CACNA1C: variants seen among roughly 807,000 people sequenced by gnomAD.
CACNA1C encodes voltage-dependent L-type calcium channel subunit alpha-1C.
In CACNA1C, 30 loss-of-function variants were observed where a neutral mutation model predicts 229.0. The observed-to-expected ratio is 0.13, with a 90% CI of 0.10 to 0.18. The LOEUF (loss-of-function observed/expected upper bound fraction) is 0.18. CACNA1C is among the 10% of genes least tolerant of loss of function. The probability of loss-of-function intolerance (pLI) is 1.00; values close to 1 mark genes in which losing one functional copy is unlikely to be tolerated. For missense variants in CACNA1C, 1,658 were observed against 2,845.0 expected (o/e 0.58, Z 9.49); for synonymous variants, 1,114 against 1,132.5 (o/e 0.98, Z 0.33).
Position 1,997,389 on chromosome 12 carries a change from G to A in CACNA1C, c.139+26188G>A, listed in dbSNP as rs545190977. On this transcript the variant is annotated intron_variant, in intron 1 of 46. Transcript: ENST00000682462. ...CTAAAAATTAGCTGGGCGTGGTGGC[G>A]CATGCCTGTAATCCCAGCTACTCAG... is the stretch of plus-strand genomic sequence containing the variant. Among the ~76,000 whole-genome samples the A allele has an allele frequency of 1.2e-4, 18 of 152,270 alleles. No homozygotes were observed. The South Asian group carries it at 2.5e-3, about 21-fold the overall frequency.
chr12:2,039,205 CAA>C (rs922291824), intron 1 of CACNA1C, among the ~76,000 whole-genome samples: 2 of 152,164 alleles, frequency 1.3e-5, no homozygotes, highest in African/African-American at 4.8e-5. Flanking sequence ...ACTCACTAAA[CAA>C]TGATGAGAGG....
intron 1 of CACNA1C, among the ~76,000 whole-genome samples, chr12:2,070,777 G>A (rs180781403): frequency 4.3e-4 from 66 of 152,124 alleles, no homozygotes; most frequent in African/African-American, 1.5e-3. Context: ...TTGAAGATTC[G>A]TATCACTCAC....
chr12:2,559,724 A>G (rs2046462472), intron 11 of CACNA1C, among the ~76,000 whole-genome samples: 1 of 152,188 alleles, frequency 6.6e-6, no homozygotes. Context: ...TCTGCTGCCA[A>G]TCACTGTGCC....
chr12:2,199,086 C>T (rs1001624561), intron 3 of CACNA1C, among the ~76,000 whole-genome samples: 8 of 152,118 alleles, frequency 5.3e-5, no homozygotes, highest in Admixed American at 1.3e-4. Context: ...GACTTTTAAG[C>T]GTGAATCCCC....
At chr12:2,363,342 C>T (rs1034393635) in intron 3 of CACNA1C, among the ~76,000 whole-genome samples, 1 of 152,184 alleles carries the variant, frequency 6.6e-6, no homozygotes, top group Non-Finnish European at 1.5e-5. Flanking sequence ...TCATTCTTCC[C>T]CTCTCCATAT....
chr12:2,307,385 A>G (rs918877796), intron 3 of CACNA1C, among the ~76,000 whole-genome samples: 3 of 152,216 alleles, frequency 2.0e-5, no homozygotes, highest in Non-Finnish European at 4.4e-5. Flanking sequence ...TAAGGCTCCA[A>G]GATGCTGAGA....
intron 11 of CACNA1C, among the ~76,000 whole-genome samples, chr12:2,562,884 T>C (rs2048256672): frequency 6.6e-6 from 1 of 152,252 alleles, no homozygotes; most frequent in Admixed American, 6.5e-5. Flanking sequence ...TTACGAACAT[T>C]CCAATTCCAG....
chr12:2,098,344 T>C (rs2075112707), intron 1 of CACNA1C, among the ~76,000 whole-genome samples: 2 of 152,242 alleles, frequency 1.3e-5, no homozygotes, highest in African/African-American at 4.8e-5. Flanking sequence ...AAAGCATTGT[T>C]ATTAAACGGC....
Position 2,597,563 on chromosome 12 carries a change from T to A in CACNA1C, c.2853+274T>A, listed in dbSNP as rs59300608. 1.1e-4 allele frequency: 111 copies of A among 1,031,950 alleles called. 1 individual carries two copies. In the African/African-American group the frequency reaches 1.6e-3, roughly 15 times the overall value. The allele number at this position is 1,031,950 out of a possible 1,614,324, so 63.9% of individuals were successfully genotyped here. On this transcript the variant is annotated intron_variant, in intron 21 of 46. Transcript: ENST00000399655. The surrounding 1 kb of genome is among the most constrained non-coding windows in gnomAD (Gnocchi z 4.3). ...TCTATCTCTGCTCTGTGTGGCTGGA[T>A]CTTTTGTCTTTTCTGTTTCTTTCAC... is the stretch of plus-strand genomic sequence containing the variant.
At chr12:2,621,741 G>A (rs889411726) in intron 29 of CACNA1C, among the ~76,000 whole-genome samples, 1 of 152,172 alleles carries the variant, frequency 6.6e-6, no homozygotes, top group African/African-American at 2.4e-5. Context: ...AATCAGAGAC[G>A]GCTCCGGGGT....
chr12:2,355,092 G>A (rs1362796650), intron 3 of CACNA1C, among the ~76,000 whole-genome samples: 1 of 152,122 alleles, frequency 6.6e-6, no homozygotes, highest in African/African-American at 2.4e-5. Context: ...GCTTCCCCGG[G>A]TATTTATCAT....
Position 2,053,011 on chromosome 12 carries a change from A to T in CACNA1C, c.-552A>T. 2.0e-6 allele frequency: 2 copies of T among 984,018 alleles called. No homozygotes were observed. The highest frequency in any genetic ancestry group is 2.4e-6 in the Non-Finnish European group (2 of 829,466). The allele number at this position is 984,018 out of a possible 1,614,324, so 61.0% of individuals were successfully genotyped here. A position where few individuals can be genotyped will look rare whatever the true frequency, so the allele number is the denominator to read the frequency against. On this transcript the variant is annotated 5_prime_UTR_variant, in exon 1 of 47. Transcript: ENST00000399655. The surrounding 1 kb of genome is among the most constrained non-coding windows in gnomAD (Gnocchi z 5.8). Reference sequence around the variant, plus strand: ...TGTCTCCCTCTCGCTGCCTCTGCAGAAACAGCTCCTGCCAGAGCGGCGCTC... The same window carrying T: ...TGTCTCCCTCTCGCTGCCTCTGCAGTAACAGCTCCTGCCAGAGCGGCGCTC...
In CACNA1C at chr12:2,679,644, C is replaced by T. The variant is rs72552065; in HGVS notation, c.5292C>T (p.Asn1764=). ...TPSSYSSTGS[N]ANINNANNTA... is the part of the protein sequence containing the mutation. ...GCAGCTACTCGTCCACCGGCTCCAA[C>T]GCCAACATCAACAACGCCAACAACA... Residue 1764 remains asparagine, a synonymous_variant, in exon 42 of 47, where the codon AAC becomes AAT. Coordinates refer to ENST00000399655, the MANE Select transcript of CACNA1C (RefSeq NM_000719.7). This position sits in a 1 kb window ranked among gnomAD's most constrained non-coding sequence, Gnocchi z 5.5. 89,824 of 1,613,704 alleles carry T rather than the reference C, an allele frequency of 0.056. 2,891 individuals carry two copies. The highest frequency in any genetic ancestry group is 0.064 in the Non-Finnish European group (75,972 of 1,179,696).
chr12:2,685,391 A>G (rs2097399020), intron 43 of CACNA1C, among the ~76,000 whole-genome samples: 1 of 151,262 alleles, frequency 6.6e-6, no homozygotes, highest in Non-Finnish European at 1.5e-5. Context: ...TCATGCAAAC[A>G]CGGGAGCCAA....
At chr12:2,342,613 G>A (rs2154522378) in intron 3 of CACNA1C, among the ~76,000 whole-genome samples, 1 of 152,162 alleles carries the variant, frequency 6.6e-6, no homozygotes, top group East Asian at 1.9e-4. Context: ...GAAGCCCCCT[G>A]GCCTAGATAG....
Position 2,053,711 on chromosome 12 carries a change from A to G in CACNA1C, c.49+100A>G. 1 of 788,250 alleles carries G rather than the reference A, an allele frequency of 1.3e-6. No homozygotes were observed. Among genetic ancestry groups the G allele is most frequent in the Non-Finnish European group, 1.6e-6 (1 of 614,572 alleles). 48.8% of individuals were successfully genotyped at this position (788,250 alleles called of 1,614,324 possible). A position where few individuals can be genotyped will look rare whatever the true frequency, so the allele number is the denominator to read the frequency against. On this transcript the variant is annotated intron_variant, in intron 1 of 46. Coordinates refer to ENST00000399655, the MANE Select transcript of CACNA1C (RefSeq NM_000719.7). This position sits in a 1 kb window ranked among gnomAD's most constrained non-coding sequence, Gnocchi z 5.8. ...GCGGCCCCGGGGCCGGTCCCTGCGG[A>G]GTGGCCCGGGGCCGCGTCCGCGAGG...
chr12:2,631,735 G>T (rs1163008219), intron 29 of CACNA1C, among the ~76,000 whole-genome samples: 2 of 152,192 alleles, frequency 1.3e-5, no homozygotes, highest in Non-Finnish European at 2.9e-5. Context: ...CCCACGCCCT[G>T]GTCAGCTAAT....
intron 9 of CACNA1C, among the ~76,000 whole-genome samples, chr12:2,527,440 A>G (rs940493713): frequency 1.3e-5 from 2 of 152,168 alleles, no homozygotes; most frequent in African/African-American, 4.8e-5. Flanking sequence ...GCCTTTGTTT[A>G]CCTTCTCAAT....
rs1032566703 is a variant in CACNA1C at position 2,348,207 on chromosome 12, C to T, written c.478-100769C>T. ...GGAGGAGCTGGGCAGTGCAGCGAGG[C>T]GCCAGCTGTGCCTGACTCCTGAGGC... On this transcript the variant is annotated intron_variant, in intron 3 of 46. Coordinates refer to ENST00000399655, the MANE Select transcript of CACNA1C (RefSeq NM_000719.7). This position sits in a 1 kb window ranked among gnomAD's most constrained non-coding sequence, Gnocchi z 4.7. Among the ~76,000 whole-genome samples, 2 of 152,168 alleles carry T rather than the reference C, an allele frequency of 1.3e-5. No homozygotes were observed. The highest frequency in any genetic ancestry group is 6.5e-5 in the Admixed American group (1 of 15,286).
Sources: allele counts gnomAD v4.1 joint callset (sites outside exome capture counted in the v4.1 genomes callset), GRCh38; gene constraint gnomAD v4.1.1; non-coding constraint Gnocchi (gnomAD v3.1); transcripts MANE v1.5; gene names NCBI Gene and HGNC (gene_info 2026-07-23, HGNC 2026-07-21).